PTPRF: variants seen among roughly 807,000 people sequenced by gnomAD.
The protein encoded by PTPRF is receptor-type tyrosine-protein phosphatase F.
In PTPRF, 59 loss-of-function variants were observed where a neutral mutation model predicts 201.8. The ratio of observed to expected loss-of-function variants is 0.29; its 90% confidence interval spans 0.24 to 0.36. The LOEUF is 0.36. PTPRF is among the 10% of genes least tolerant of loss of function. The pLI is 1.00. For synonymous variants in PTPRF, 1,088 were observed against 1,089.7 expected, an observed-to-expected ratio of 1.00 and a Z score of 0.03; for missense variants, 2,132 against 2,690.5, an observed-to-expected ratio of 0.79 and a Z score of 4.59.
At chr1:43,575,767 G>A (rs1646883476) in intron 6 of PTPRF, 1 of 633,180 alleles carries the variant, frequency 1.6e-6, no homozygotes, top group Admixed American at 2.4e-5. Flanking sequence ...TGTCCGTGTC[G>A]GCCTAACTCA....
chr1:43,617,549 C>T lies in PTPRF; in HGVS notation c.4176C>T (p.Val1392=). 1 of 1,614,050 alleles carries T rather than the reference C, an allele frequency of 6.2e-7. No homozygotes were observed. Among genetic ancestry groups the T allele is most frequent in the Non-Finnish European group, 8.5e-7 (1 of 1,180,030 alleles). The change falls in exon 24 of 34, where the codon GTC becomes GTT. Residue 1392 remains valine, a synonymous_variant. Transcript: ENST00000359947. ...TCATCGCCTACGACCACTCTCGAGT[C>T]ATCCTTACCTCTATCGATGGTGAGC... ...ANVIAYDHSR[V]ILTSIDGVPG...
chr1:43,531,991 C>T (rs1157295723), intron 1 of PTPRF, among the ~76,000 whole-genome samples: 1 of 152,186 alleles, frequency 6.6e-6, no homozygotes, highest in Non-Finnish European at 1.5e-5. Context: ...TCTTTTTCCC[C>T]AGGTCACTCT....
Position 43,591,670 on chromosome 1 carries a change from T to G in PTPRF, c.1531+117T>G, listed in dbSNP as rs1650791983. ...CTGGGGGCTCTTGGGAGGATCAAGGTGCCGTATTCCATAGATGTGTGGTCA... is the reference window on the plus strand; with the variant it reads ...CTGGGGGCTCTTGGGAGGATCAAGGGGCCGTATTCCATAGATGTGTGGTCA... On this transcript the variant is annotated intron_variant, in intron 9 of 33. Coordinates refer to ENST00000359947, the MANE Select transcript of PTPRF (RefSeq NM_002840.5). 4 of 1,437,010 alleles carry G rather than the reference T, an allele frequency of 2.8e-6. No homozygotes were observed. The Admixed American group carries it at 8.6e-5, about 31-fold the overall frequency. 89.0% of individuals were successfully genotyped at this position (1,437,010 alleles called of 1,614,324 possible).
intron 5 of PTPRF, among the ~76,000 whole-genome samples, chr1:43,556,787 G>A (rs1285215022): frequency 6.6e-6 from 1 of 152,252 alleles, no homozygotes; most frequent in Non-Finnish European, 1.5e-5. Context: ...GAGTGTGGTG[G>A]TGGTTGCTGT....
At chr1:43,552,794 A>C (rs1268654374) in intron 3 of PTPRF, among the ~76,000 whole-genome samples, 1 of 151,446 alleles carries the variant, frequency 6.6e-6, no homozygotes, top group Non-Finnish European at 1.5e-5. Context: ...CTGAGCCCCT[A>C]CCTTTCTTCT....
In PTPRF at chr1:43,537,686, G is replaced by A. The variant is rs1317680362; in HGVS notation, c.-125-512G>A. 6.6e-6 allele frequency among the ~76,000 whole-genome samples: 1 copy of A among 152,382 alleles called. No homozygotes were observed. The highest frequency in any genetic ancestry group is 2.1e-4 in the South Asian group (1 of 4,830). On this transcript the variant is annotated intron_variant, in intron 1 of 33. Coordinates refer to ENST00000359947, the MANE Select transcript of PTPRF (RefSeq NM_002840.5). The surrounding 1 kb of genome is among the most constrained non-coding windows in gnomAD (Gnocchi z 4.8). ...CCTGAGAAAGTGCCACTGGACTTGA[G>A]ATCCGAGGGTAAGTTGGCCAGAAGA...
rs143867159 is a variant in PTPRF at position 43,536,312 on chromosome 1, G to T, written c.-125-1886G>T. Reference sequence around the variant, plus strand: ...GTCAGTTTGATCCCAGACTGACGTGGTTCAAAGTTACTGTTTGGCTTTTCT... The same window carrying T: ...GTCAGTTTGATCCCAGACTGACGTGTTTCAAAGTTACTGTTTGGCTTTTCT... On this transcript the variant is annotated intron_variant, in intron 1 of 33. Coordinates refer to ENST00000359947, the MANE Select transcript of PTPRF (RefSeq NM_002840.5). Among the ~76,000 whole-genome samples the T allele has an allele frequency of 5.0e-4, 76 of 152,322 alleles. 1 individual carries two copies. The East Asian group carries it at 0.014, about 28-fold the overall frequency.
chr1:43,590,041 T>A (rs557707976), intron 8 of PTPRF, among the ~76,000 whole-genome samples: 65 of 152,178 alleles, frequency 4.3e-4, no homozygotes, highest in Non-Finnish European at 6.6e-4. Context: ...TGTTTTAGGA[T>A]ACAGATCAGG....
intron 14 of PTPRF, among the ~76,000 whole-genome samples, chr1:43,602,424 C>T (rs1653987471): frequency 6.6e-6 from 1 of 152,208 alleles, no homozygotes; most frequent in South Asian, 2.1e-4. Flanking sequence ...TGAAAAATCA[C>T]CTGCTTTAGG....
chr1:43,551,704 A>C (rs368211091), intron 3 of PTPRF, among the ~76,000 whole-genome samples: 7 of 152,190 alleles, frequency 4.6e-5, no homozygotes, highest in African/African-American at 1.4e-4. Flanking sequence ...GGGGATAATA[A>C]TACTACCTAC....
intron 6 of PTPRF, among the ~76,000 whole-genome samples, chr1:43,572,313 C>T (rs889395621): frequency 1.3e-5 from 2 of 152,242 alleles, no homozygotes; most frequent in East Asian, 3.8e-4. Context: ...GCACTTGTCC[C>T]TGTAGGCTAA....
chr1:43,599,298 A>G lies in PTPRF; in HGVS notation c.2313+385A>G, dbSNP rs186334802. ...ACCATATTGGCCAGGCTGGTCTCGA[A>G]CTCCTGACCTCAGGTGATCCGCCTG... On this transcript the variant is annotated intron_variant, in intron 13 of 33. Coordinates refer to ENST00000359947, the MANE Select transcript of PTPRF (RefSeq NM_002840.5). 1.7e-3 allele frequency among the ~76,000 whole-genome samples: 264 copies of G among 152,008 alleles called. 4 individuals carry two copies. Among genetic ancestry groups the G allele is most frequent in the Non-Finnish European group, 4.1e-4 (28 of 67,930 alleles).
In PTPRF at chr1:43,553,996, GCCA is replaced by G; in HGVS notation, c.379+56_379+58del. The G allele has an allele frequency of 4.4e-6, 7 of 1,601,056 alleles. No homozygotes were observed. Among genetic ancestry groups the G allele is most frequent in the Non-Finnish European group, 6.0e-6 (7 of 1,172,238 alleles). On this transcript the variant is annotated intron_variant, in intron 5 of 33. Coordinates refer to ENST00000359947, the MANE Select transcript of PTPRF (RefSeq NM_002840.5). This position sits in a 1 kb window ranked among gnomAD's most constrained non-coding sequence, Gnocchi z 4.1. ...GCTGCCGGGCTGAGGCGTGGGAAGA[GCCA>G]GCCAGCCCTGATCCTGTCCTGGGCC... is the stretch of plus-strand genomic sequence containing the variant.
At chr1:43,523,323 A>G (rs1406073327), upstream of PTPRF, among the ~76,000 whole-genome samples, 2 of 152,128 alleles carry the variant, frequency 1.3e-5, no homozygotes, top group Non-Finnish European at 2.9e-5. Context: ...AAAGGTGTGA[A>G]TCATCGGCAG....
rs577957413 is a variant in PTPRF, at chr1:43,606,242, T to C, written c.3486T>C (p.Leu1162=). The change falls in exon 20 of 34, where the codon CTT becomes CTC. Residue 1162 remains leucine, a splice_region_variant and synonymous_variant. Transcript: ENST00000359947. ...STPEELELDE[L]LEAIEQGGEE... ...ACCCCCATGCTCTGCTCTGCCAGCT[T>C]CTAGAAGCCATCGAGCAAGGCGGAG... 1.2e-6 allele frequency: 2 copies of C among 1,612,306 alleles called. No homozygotes were observed. Among genetic ancestry groups the C allele is most frequent in the African/African-American group, 2.7e-5 (2 of 75,032 alleles).
chr1:43,530,647 G>C (rs1002130795), upstream of PTPRF, among the ~76,000 whole-genome samples: 2 of 152,174 alleles, frequency 1.3e-5, no homozygotes, highest in African/African-American at 4.8e-5. This position sits in a 1 kb window ranked among gnomAD's most constrained non-coding sequence, Gnocchi z 4.1. Context: ...GAAGGATCTG[G>C]ATGTAGTATC....
chr1:43,578,199 T>C (rs2153997212), intron 6 of PTPRF, among the ~76,000 whole-genome samples: 1 of 152,340 alleles, frequency 6.6e-6, no homozygotes, highest in African/African-American at 2.4e-5. Flanking sequence ...CGAAGCACTT[T>C]AGCAGGACCG....
At chr1:43,604,840 C>T (rs1432911402) in intron 16 of PTPRF, 63 bp from the exon 17 acceptor site, 3 of 1,412,202 alleles carry the variant, frequency 2.1e-6, no homozygotes, top group Admixed American at 3.4e-5. Flanking sequence ...ACCTTCCACC[C>T]TTCCAGCCCA....
rs200300059 is a variant in PTPRF, at chr1:43,619,477, C to T, written c.4836C>T (p.His1612=). The change falls in exon 28 of 34, where the codon CAC becomes CAT. Residue 1612 remains histidine (H), a synonymous_variant. Transcript: ENST00000359947. ...EALLEAATCG[H]TEVPARNLYA... is the part of the protein sequence containing the mutation. ...TGCTGGAGGCTGCCACGTGCGGCCA[C>T]ACAGAGGTGCCTGCCCGCAACCTGT... 7.1e-5 allele frequency: 114 copies of T among 1,613,916 alleles called. No homozygotes were observed. Among genetic ancestry groups the T allele is most frequent in the Non-Finnish European group, 8.9e-5 (105 of 1,180,050 alleles).
Sources: gnomAD v4.1 joint callset for allele counts (sites outside exome capture counted in the v4.1 genomes callset) on GRCh38, gnomAD v4.1.1 for gene constraint, Gnocchi (gnomAD v3.1) non-coding constraint, MANE v1.5 for transcripts, NCBI Gene and HGNC (gene_info 2026-07-23, HGNC 2026-07-21) for gene names.